SNX16: variants seen among roughly 807,000 people sequenced by gnomAD.
SNX16 encodes the protein sorting nexin-16.
Under a neutral mutation model 36.7 loss-of-function variants are expected in SNX16, and 35 were observed. The observed-to-expected ratio is 0.95, with a 90% CI of 0.73 to 1.27. The LOEUF (loss-of-function observed/expected upper bound fraction) is 1.27, where lower values mean the gene tolerates loss of function less well. SNX16 is among the 50% of genes most tolerant of loss of function. The probability of loss-of-function intolerance (pLI) is 0.00; values close to 1 mark genes in which losing one functional copy is unlikely to be tolerated. For synonymous variants in SNX16, 134 were observed against 132.0 expected (o/e 1.02, Z -0.10); for missense variants, 367 against 393.6 (o/e 0.93, Z 0.57).
At chr8:81,804,432 G>A (rs1254604667) in intron 5 of SNX16, among the ~76,000 whole-genome samples, 1 of 151,730 alleles carries the variant, frequency 6.6e-6, no homozygotes, top group Non-Finnish European at 1.5e-5. Context: ...GTAAACAATC[G>A]GTTTCCAATA....
intron 2 of SNX16, among the ~76,000 whole-genome samples, chr8:81,833,406 AT>A (rs200166390): frequency 3.3e-5 from 5 of 152,014 alleles, no homozygotes; most frequent in African/African-American, 7.2e-5. Context: ...GTTTAAAAAA[AT>A]AAAGCAATTT....
intron 2 of SNX16, among the ~76,000 whole-genome samples, chr8:81,834,612 T>C (rs904647552): frequency 6.6e-6 from 1 of 151,498 alleles, no homozygotes; most frequent in Non-Finnish European, 1.5e-5. Context: ...ATGGGAGAAA[T>C]TGGCTAAAAC....
chr8:81,839,648 C>A lies in SNX16; in HGVS notation c.339G>T (p.Leu113=). The change falls in exon 2 of 8, where the codon CTG becomes CTT. Residue 113 remains leucine (L), a synonymous_variant. Transcript: ENST00000345957. ...CTCTTTCTTCCATCACTTCATAACC[C>A]AGTATAGTAGGTGTAGATGGTCTAT... ...WEDRPSTPTI[L]GYEVMEERAK... is the part of the protein sequence containing the mutation. 1 of 1,613,602 alleles carries A rather than the reference C, an allele frequency of 6.2e-7. No homozygotes were observed. The highest frequency in any genetic ancestry group is 2.2e-5 in the East Asian group (1 of 44,850).
Position 81,801,534 on chromosome 8 carries a change from T to A in SNX16, c.998A>T (p.Glu333Val), listed in dbSNP as rs1052129807. 1.9e-6 allele frequency: 3 copies of A among 1,597,790 alleles called. No individual in the cohort carries two copies. In the African/African-American group the frequency reaches 4.0e-5, roughly 22 times the overall value. The change falls in exon 8 of 8, where the codon GAA becomes GTA. Residue 333 changes from glutamate (E) to valine (V), a missense_variant. Physicochemically the swap from Glu to Val is moderately radical, Grantham distance 121. Coordinates refer to ENST00000345957, the MANE Select transcript of SNX16 (RefSeq NM_152836.3). ...AGCATCATATGCCACTTCTGCTACT[T>A]CTATCTCTGATACAGCATTTTCAGG... ...SEPENAVSEI[E>V]VAEVAYDAEE... is the part of the protein sequence containing the mutation.
At chr8:81,824,124 T>G (rs1471949915) in intron 3 of SNX16, among the ~76,000 whole-genome samples, 184 bp from the exon 4 acceptor site, 1 of 152,144 alleles carries the variant, frequency 6.6e-6, no homozygotes, top group Non-Finnish European at 1.5e-5. Flanking sequence ...TACAGAAGAG[T>G]TCCAGTCTTT....
At chr8:81,831,910 T>C (rs116033454) in intron 2 of SNX16, among the ~76,000 whole-genome samples, 6 of 152,214 alleles carry the variant, frequency 3.9e-5, no homozygotes, top group African/African-American at 1.4e-4. Context: ...GTCATTATCA[T>C]GACAGATGCT....
chr8:81,820,532 T>C (rs1810691804), intron 4 of SNX16, among the ~76,000 whole-genome samples: 1 of 149,670 alleles, frequency 6.7e-6, no homozygotes, highest in African/African-American at 2.4e-5. Flanking sequence ...AGTACTGTGC[T>C]AGTTTTTTAA....
chr8:81,821,039 T>A (rs773055093), intron 4 of SNX16, among the ~76,000 whole-genome samples: 1 of 150,870 alleles, frequency 6.6e-6, no homozygotes, highest in South Asian at 2.1e-4. Flanking sequence ...TTTAATTGAA[T>A]TGAGGTTATC....
chr8:81,823,543 T>C (rs1350395710), intron 4 of SNX16, among the ~76,000 whole-genome samples: 1 of 152,116 alleles, frequency 6.6e-6, no homozygotes, highest in African/African-American at 2.4e-5. Context: ...GGTGGTTTAG[T>C]ACATGGTACA....
intron 5 of SNX16, chr8:81,814,636 A>G (rs1810400118): frequency 2.0e-5 from 3 of 152,150 alleles, no homozygotes; most frequent in African/African-American, 4.8e-5. Flanking sequence ...ATTGGTGAAT[A>G]TTATGGATGA....
chr8:81,823,821 AT>A lies in SNX16; in HGVS notation c.581del (p.Asn194IlefsTer2). The A allele has an allele frequency of 6.2e-7, 1 of 1,610,788 alleles. No homozygotes were observed. The highest frequency in any genetic ancestry group is 8.5e-7 in the Non-Finnish European group (1 of 1,178,658). On this transcript the variant is annotated frameshift_variant, in exon 4 of 8. Transcript: ENST00000345957. LOFTEE classifies it high-confidence loss of function. ...TAGCAATGTCCTTGTGAGCTACTAA[AT>A]TTTGAAGAAACGCTTGTAATCCTAA... ...RQLGLQAFLQ[N>X]LVAHKDIANC...
chr8:81,835,181 G>A (rs1811437981), intron 2 of SNX16, among the ~76,000 whole-genome samples: 1 of 152,220 alleles, frequency 6.6e-6, no homozygotes. Flanking sequence ...TGAGCTCTAT[G>A]TTGGCCCCTG....
intron 2 of SNX16, among the ~76,000 whole-genome samples, chr8:81,838,477 A>C (rs928749085): frequency 1.9e-4 from 29 of 151,880 alleles, no homozygotes; most frequent in African/African-American, 6.0e-4. Flanking sequence ...AGACCCATGC[A>C]TTTATGGTCA....
chr8:81,821,688 C>A (rs1246974570), intron 4 of SNX16, among the ~76,000 whole-genome samples: 3 of 151,756 alleles, frequency 2.0e-5, no homozygotes, highest in African/African-American at 7.3e-5. Flanking sequence ...CTAACTCTGT[C>A]ACATTGGCTT....
intron 5 of SNX16, among the ~76,000 whole-genome samples, chr8:81,813,608 T>C (rs1271280564): frequency 6.6e-6 from 1 of 151,892 alleles, no homozygotes; most frequent in Non-Finnish European, 1.5e-5. Context: ...TAAAAACTTT[T>C]GCACTTCAAA....
At chr8:81,816,176 A>ATTT (rs1412960282) in intron 4 of SNX16, among the ~76,000 whole-genome samples, 1 of 127,062 alleles carries the variant, frequency 7.9e-6, no homozygotes, top group Non-Finnish European at 1.7e-5. Context: ...TTTACAAAGG[A>ATTT]TTTTCTTTTT....
rs1346122344 is a variant in SNX16, at chr8:81,823,894, C to T, written c.509G>A (p.Arg170His). The T allele has an allele frequency of 2.5e-6, 4 of 1,611,296 alleles. No homozygotes were observed. The highest frequency in any genetic ancestry group is 2.5e-6 in the Non-Finnish European group (3 of 1,178,842). Residue 170 changes from arginine to histidine, a missense_variant, in exon 4 of 8, where the codon CGC becomes CAC. Coordinates refer to ENST00000345957, the MANE Select transcript of SNX16 (RefSeq NM_152836.3). The part of the protein sequence containing the change: ...PGFRLALPPK[R>H]WFKDNYNADF... ...AGCATTGTAATTATCTTTAAACCAGCGTTTTGGAGGAAGTGCTAGTCGAAA... is the reference window on the plus strand; with the variant it reads ...AGCATTGTAATTATCTTTAAACCAGTGTTTTGGAGGAAGTGCTAGTCGAAA...
intron 5 of SNX16, among the ~76,000 whole-genome samples, chr8:81,806,857 G>A (rs1351516731): frequency 1.3e-5 from 2 of 151,806 alleles, no homozygotes; most frequent in African/African-American, 4.8e-5. Flanking sequence ...AACTTAGAAT[G>A]TAATAAAAAT....
intron 4 of SNX16, among the ~76,000 whole-genome samples, chr8:81,821,509 A>G (rs1810740248): frequency 6.6e-6 from 1 of 151,952 alleles, no homozygotes; most frequent in Non-Finnish European, 1.5e-5. Context: ...TATGCTATTA[A>G]ACATATTTTC....
Sources: allele counts gnomAD v4.1 joint callset (sites outside exome capture counted in the v4.1 genomes callset), GRCh38; gene constraint gnomAD v4.1.1; transcripts MANE v1.5; gene names NCBI Gene and HGNC (gene_info 2026-07-23, HGNC 2026-07-21).